FAT2: variants seen among roughly 807,000 people sequenced by gnomAD.
The protein encoded by FAT2 is FAT atypical cadherin 2.
FAT2 carries 150 observed loss-of-function variants against 295.3 expected under a neutral mutation model. The ratio of observed to expected loss-of-function variants is 0.51; its 90% CI spans 0.44 to 0.58. The LOEUF (loss-of-function observed/expected upper bound fraction) is 0.58, where lower values mean the gene tolerates loss of function less well. FAT2 is among the 20% of genes least tolerant of loss of function. The probability of loss-of-function intolerance (pLI) is 0.00; values close to 1 mark genes in which losing one functional copy is unlikely to be tolerated. For missense variants in FAT2, 4,868 were observed against 5,442.7 expected (o/e 0.89, Z 3.32); for synonymous variants, 2,026 against 2,150.3 (o/e 0.94, Z 1.60).
chr5:151,522,136 T>TG, intron 18 of FAT2, 50 bp from the exon 19 acceptor site: 1 of 1,419,058 alleles, frequency 7.0e-7, no homozygotes, highest in African/African-American at 1.4e-5. Flanking sequence ...GCAGTGCTCT[T>TG]GCGCCCGACT....
intron 17 of FAT2, 58 bp downstream of exon 17, chr5:151,527,176 T>G: frequency 1.3e-6 from 2 of 1,525,824 alleles, no homozygotes; most frequent in Non-Finnish European, 8.9e-7. Context: ...GGGCATCTTC[T>G]GCTAGAAGGG....
In FAT2 at chr5:151,512,047, G is replaced by A. The variant is rs989674598; in HGVS notation, c.11905+118C>T. 2 of 884,206 alleles carry A rather than the reference G, an allele frequency of 2.3e-6. No individual in the cohort carries two copies. Among genetic ancestry groups the A allele is most frequent in the Non-Finnish European group, 3.5e-6 (2 of 577,936 alleles). 54.8% of individuals were successfully genotyped at this position (884,206 alleles called of 1,614,324 possible). ...TTCCAACCTGTTACTCACAAGTTAG[G>A]GGAAGAGAGAGAAATTTGGAACCAG... On this transcript the variant is annotated intron_variant, in intron 21 of 23. Transcript: ENST00000261800. This position sits in a 1 kb window ranked among gnomAD's most constrained non-coding sequence, Gnocchi z 4.1.
In FAT2 at chr5:151,512,412, C is replaced by T. The variant is rs1761393521; in HGVS notation, c.11658G>A (p.Arg3886=). Reference sequence around the variant, plus strand: ...CGCCCAGCAAGAGGTGCCTTTCGGGCCTCAGACCACGGCAGTTCTCTGGGA... The same window carrying T: ...CGCCCAGCAAGAGGTGCCTTTCGGGTCTCAGACCACGGCAGTTCTCTGGGA... ...LVVPENCRGL[R]PERHLLLGGL... Residue 3886 remains arginine (R), a synonymous_variant, in exon 21 of 24, where the codon AGG becomes AGA. Coordinates refer to ENST00000261800, the MANE Select transcript of FAT2 (RefSeq NM_001447.3). The surrounding 1 kb of genome is among the most constrained non-coding windows in gnomAD (Gnocchi z 4.1). The T allele has an allele frequency of 5.6e-6, 9 of 1,614,248 alleles. No individual in the cohort carries two copies. In the African/African-American group the frequency reaches 8.0e-5, roughly 14 times the overall value.
intron 20 of FAT2, among the ~76,000 whole-genome samples, chr5:151,516,701 CTGA>C (rs1360136122): frequency 5.9e-5 from 9 of 152,206 alleles, no homozygotes; most frequent in African/African-American, 2.2e-4. Flanking sequence ...GTCTTTTTCA[CTGA>C]TGAGACCCAA....
At chr5:151,528,456 A>G (rs574495073) in intron 15 of FAT2, among the ~76,000 whole-genome samples, 2 of 152,210 alleles carry the variant, frequency 1.3e-5, no homozygotes, top group Non-Finnish European at 1.5e-5. Context: ...GGAGTAAAGT[A>G]TGATCAGCCT....
Position 151,542,845 on chromosome 5 carries a change from TTGG to T in FAT2, c.8279_8281del (p.Thr2760del). On this transcript the variant is annotated inframe_deletion, in exon 10 of 24. Transcript: ENST00000261800. ...TGCCATCACATCAATCTGGTACAAT[TTGG>T]TGGATTCGTGGTCCATGGGCTTCCT... 1.2e-6 allele frequency: 2 copies of T among 1,614,168 alleles called. No individual in the cohort carries two copies. The highest frequency in any genetic ancestry group is 1.7e-6 in the Non-Finnish European group (2 of 1,180,032).
rs1344034816 is a variant in FAT2 at position 151,586,387 on chromosome 5, C to T, written c.-21+4778G>A. On this transcript the variant is annotated intron_variant, in intron 1 of 23. Coordinates refer to ENST00000261800, the MANE Select transcript of FAT2 (RefSeq NM_001447.3). ...GCCTCAGGTGGTCTTGCAGGGGCCG[C>T]CCAGGAACAGAAAAAGGGGCAAGGG... Among the ~76,000 whole-genome samples the T allele has an allele frequency of 2.0e-5, 3 of 152,268 alleles. No homozygotes were observed. The East Asian group carries it at 5.8e-4, about 29-fold the overall frequency.
In FAT2 at chr5:151,542,298, G is replaced by T; in HGVS notation, c.8829C>A (p.Thr2943=). ...AGGTGTTCTTACCTGTGATGTAGCA[G>T]GTGACCTGCCTGTTCTGCTCAGAAA... ...ADISEQNRQV[T]CYITEGDPLG... Residue 2943 remains threonine, a synonymous_variant, in exon 10 of 24, where the codon ACC becomes ACA. Transcript: ENST00000261800. 6.3e-7 allele frequency: 1 copy of T among 1,599,934 alleles called. No homozygotes were observed. The highest frequency in any genetic ancestry group is 8.5e-7 in the Non-Finnish European group (1 of 1,173,056).
At position 151,559,820 on chromosome 5, in the gene FAT2, C is replaced by A. The variant is rs79811587; in HGVS notation, c.3575-3418G>T. 3.0e-4 allele frequency among the ~76,000 whole-genome samples: 45 copies of A among 152,256 alleles called. No homozygotes were observed. In the East Asian group the frequency reaches 8.1e-3, roughly 28 times the overall value. On this transcript the variant is annotated intron_variant, in intron 3 of 23. Transcript: ENST00000261800. ...CCCCTATTCTCATCCTCATCCTCCT[C>A]TCTGAAGTCAGTATCAGGGTTCCCA...
intron 17 of FAT2, among the ~76,000 whole-genome samples, chr5:151,526,320 A>G (rs985781194): frequency 6.6e-5 from 10 of 152,374 alleles, no homozygotes; most frequent in Admixed American, 3.3e-4. Flanking sequence ...CCTGGATTAC[A>G]TAAGGGAATG....
At chr5:151,569,912 C>G (rs1240405389) in intron 1 of FAT2, among the ~76,000 whole-genome samples, 1 of 152,252 alleles carries the variant, frequency 6.6e-6, no homozygotes, top group African/African-American at 2.4e-5. Flanking sequence ...GTCAGCCCTG[C>G]CTCTGTCATT....
chr5:151,519,562 A>G (rs1229752164), intron 19 of FAT2, among the ~76,000 whole-genome samples: 4 of 152,170 alleles, frequency 2.6e-5, no homozygotes, highest in Admixed American at 6.5e-5. Flanking sequence ...GGAAATATGT[A>G]TTTTAAAAAT....
rs200451166 is a variant in FAT2 at position 151,531,895 on chromosome 5, A to G, written c.9503T>C (p.Val3168Ala). 5.6e-5 allele frequency: 90 copies of G among 1,614,076 alleles called. No individual in the cohort carries two copies. The highest frequency in any genetic ancestry group is 6.9e-5 in the Non-Finnish European group (82 of 1,180,024). ...CTGCAGCGGCTTTTCCAGGCGGATC[A>G]CCCCCGTGGTGGCGTCGATGGAAAA... Reference protein sequence around the residue: ...GHFSIDATTGVIRLEKPLQVR... With the variant: ...GHFSIDATTGAIRLEKPLQVR... The change falls in exon 14 of 24, where the codon GTG becomes GCG. Residue 3168 changes from valine to alanine, a missense_variant. Coordinates refer to ENST00000261800, the MANE Select transcript of FAT2 (RefSeq NM_001447.3). The surrounding 1 kb of genome is among the most constrained non-coding windows in gnomAD (Gnocchi z 5.7).
At chr5:151,519,967 A>T (rs924936402) in intron 19 of FAT2, among the ~76,000 whole-genome samples, 1 of 152,174 alleles carries the variant, frequency 6.6e-6, no homozygotes, top group South Asian at 2.1e-4. Flanking sequence ...CAAAATCTTG[A>T]ATTTTAGAAC....
At position 151,563,306 on chromosome 5, in the gene FAT2, C is replaced by G. The variant is rs1408919633; in HGVS notation, c.3574+19G>C. 1 of 1,611,378 alleles carries G rather than the reference C, an allele frequency of 6.2e-7. No homozygotes were observed. The highest frequency in any genetic ancestry group is 1.7e-5 in the Admixed American group (1 of 59,498). ...ACCATTGTAGAGATCCCTGTTCACC[C>G]AGCTTTTTGGATCCTTACCTGTAAC... On this transcript the variant is annotated intron_variant, in intron 3 of 23. Transcript: ENST00000261800.
rs2304023 is a variant in FAT2 at position 151,553,241 on chromosome 5, C to T, written c.4092G>A (p.Val1364=). 22,387 of 1,614,208 alleles carry T rather than the reference C, an allele frequency of 0.014. 588 individuals carry two copies. The highest frequency in any genetic ancestry group is 0.11 in the African/African-American group (7,925 of 75,042). ...CGCTGATGACCCCCACCATGTGGTT[C>T]ACAGGGTCCGTCTCCATGACCGTAA... ...YSFTVMETDP[V]NHMVGVISVE... The change falls in exon 6 of 24, where the codon GTG becomes GTA. Residue 1364 remains valine (V), a synonymous_variant. Coordinates refer to ENST00000261800, the MANE Select transcript of FAT2 (RefSeq NM_001447.3).
chr5:151,573,045 G>A (rs959166910), intron 1 of FAT2, among the ~76,000 whole-genome samples: 1 of 152,168 alleles, frequency 6.6e-6, no homozygotes, highest in African/African-American at 2.4e-5. Flanking sequence ...GTGTCTACCT[G>A]GCCATGAATG....
At chr5:151,517,073 A>C (rs1209584574) in intron 20 of FAT2, among the ~76,000 whole-genome samples, 1 of 151,170 alleles carries the variant, frequency 6.6e-6, no homozygotes, top group East Asian at 1.9e-4. Flanking sequence ...ACACCACTGC[A>C]CTCCAGCCTC....
intron 1 of FAT2, among the ~76,000 whole-genome samples, chr5:151,572,893 G>T (rs759161104): frequency 9.8e-5 from 15 of 152,336 alleles, no homozygotes; most frequent in South Asian, 2.1e-4. Context: ...GCAGGCACTT[G>T]TCTGGGGTGG....
Sources: gnomAD v4.1 joint callset for allele counts (sites outside exome capture counted in the v4.1 genomes callset) on GRCh38, gnomAD v4.1.1 for gene constraint, Gnocchi (gnomAD v3.1) non-coding constraint, MANE v1.5 for transcripts, NCBI Gene and HGNC (gene_info 2026-07-23, HGNC 2026-07-21) for gene names.